The following CLIP1 variants were observed in gnomAD, a reference collection of about 807,000 sequenced individuals.
The protein encoded by CLIP1 is CAP-Gly domain containing linker protein 1, also known as CAP-Gly domain-containing linker protein 1.
Under a neutral mutation model 161.6 loss-of-function variants are expected in CLIP1, and 66 were observed. The observed-to-expected ratio is 0.41, with a 90% CI of 0.33 to 0.50. The LOEUF (loss-of-function observed/expected upper bound fraction) is 0.50. CLIP1 is among the 20% of genes least tolerant of loss of function. The pLI, the probability that CLIP1 is intolerant of heterozygous loss-of-function variation, is 0.27. For synonymous variants in CLIP1, 598 were observed against 626.2 expected (o/e 0.96, Z 0.67); for missense variants, 1,376 against 1,702.0 (o/e 0.81, Z 3.37).
intron 20 of CLIP1, among the ~76,000 whole-genome samples, chr12:122,301,623 G>A (rs1330092463): frequency 6.6e-6 from 1 of 152,162 alleles, no homozygotes; most frequent in Non-Finnish European, 1.5e-5. Flanking sequence ...GCAGTGAGCC[G>A]AGACTGCAGC....
chr12:122,358,099 A>G (rs1332972763), intron 5 of CLIP1, among the ~76,000 whole-genome samples: 1 of 152,058 alleles, frequency 6.6e-6, no homozygotes, highest in Non-Finnish European at 1.5e-5. Flanking sequence ...TACTAAGAAA[A>G]ATTCTTCTGC....
chr12:122,373,795 C>G (rs1208202262), intron 3 of CLIP1, among the ~76,000 whole-genome samples: 1 of 152,120 alleles, frequency 6.6e-6, no homozygotes, highest in African/African-American at 2.4e-5. Context: ...TGCCCCAAAT[C>G]TACAGTCTAC....
At chr12:122,307,506 C>T (rs187911553) in intron 20 of CLIP1, among the ~76,000 whole-genome samples, 2 of 152,242 alleles carry the variant, frequency 1.3e-5, no homozygotes, top group East Asian at 1.9e-4. Context: ...TCTCCACTGT[C>T]TCGATTTTAG....
At chr12:122,403,419 A>C (rs994497283) in intron 1 of CLIP1, among the ~76,000 whole-genome samples, 2 of 151,948 alleles carry the variant, frequency 1.3e-5, no homozygotes, top group Non-Finnish European at 1.5e-5. Context: ...AAATTTAATA[A>C]GTATGTCTCA....
In CLIP1 at chr12:122,273,019, C is replaced by G; in HGVS notation, c.4173G>C (p.Glu1391Asp). The G allele has an allele frequency of 6.2e-7, 1 of 1,614,160 alleles. No homozygotes were observed. Among genetic ancestry groups the G allele is most frequent in the Non-Finnish European group, 8.5e-7 (1 of 1,180,028 alleles). Residue 1391 changes from glutamate (E) to aspartate (D), a missense_variant, in exon 26 of 26, where the codon GAG becomes GAC. Physicochemically the swap from Glu to Asp is conservative, Grantham distance 45. This residue lies in a region of CLIP1 where 948 missense variants were observed against 1,134.8 expected (regional missense o/e 0.84). Coordinates refer to ENST00000620786, the MANE Select transcript of CLIP1 (RefSeq NM_001247997.2). ...ACATCTGTGCCTGGGTAGGACAATC[C>G]TCTGTGTCGTGGAGATCAAAGCAGT... ...ICDCFDLHDT[E>D]DCPTQAQMSE...
intron 20 of CLIP1, among the ~76,000 whole-genome samples, chr12:122,303,068 T>C (rs1423615182): frequency 6.6e-6 from 1 of 152,240 alleles, no homozygotes; most frequent in Non-Finnish European, 1.5e-5. Flanking sequence ...ATAAGGCTGC[T>C]TCCTGTTTAT....
At chr12:122,278,673 G>T in intron 23 of CLIP1, 119 bp downstream of exon 23, 1 of 1,066,254 alleles carries the variant, frequency 9.4e-7, no homozygotes, top group Non-Finnish European at 1.3e-6. Flanking sequence ...TGGTGGAAGA[G>T]CTAAGGAGAG....
At chr12:122,354,899 A>G in intron 6 of CLIP1, 1 of 598,658 alleles carries the variant, frequency 1.7e-6, no homozygotes. Flanking sequence ...CACAAAGACC[A>G]AACACTAAGG....
chr12:122,371,951 C>T (rs1462046664), intron 3 of CLIP1, among the ~76,000 whole-genome samples: 8 of 152,108 alleles, frequency 5.3e-5, no homozygotes, highest in African/African-American at 1.4e-4. Context: ...TAAAAGGTTA[C>T]ACTAGGTGAA....
intron 5 of CLIP1, among the ~76,000 whole-genome samples, chr12:122,357,581 G>T (rs1242350484): frequency 7.5e-6 from 1 of 132,554 alleles, no homozygotes; most frequent in Non-Finnish European, 1.6e-5. Context: ...CCCCCCGCCC[G>T]GCCAGCCGCC....
chr12:122,407,430 C>T (rs1047638599), intron 1 of CLIP1, among the ~76,000 whole-genome samples: 1 of 152,038 alleles, frequency 6.6e-6, no homozygotes, highest in African/African-American at 2.4e-5. Flanking sequence ...CTGACCTCCC[C>T]AGCCAAGGTG....
chr12:122,346,289 C>T (rs1459229054), intron 10 of CLIP1, among the ~76,000 whole-genome samples: 18 of 152,136 alleles, frequency 1.2e-4, no homozygotes, highest in Non-Finnish European at 1.5e-5. Flanking sequence ...CTAATATTCC[C>T]TACCTCCTAG....
chr12:122,420,341 A>G (rs1404011408), intron 1 of CLIP1, among the ~76,000 whole-genome samples: 1 of 151,678 alleles, frequency 6.6e-6, no homozygotes, highest in Non-Finnish European at 1.5e-5. Flanking sequence ...GTGAAATTCC[A>G]TGTCAAAAAA....
chr12:122,288,431 A>G (rs2136292700), intron 21 of CLIP1, 58 bp downstream of exon 21: 9 of 1,444,224 alleles, frequency 6.2e-6, no homozygotes, highest in Non-Finnish European at 8.6e-6. Context: ...TACCACACAT[A>G]TCATGTTCTG....
intron 17 of CLIP1, among the ~76,000 whole-genome samples, chr12:122,325,773 C>T (rs1951691987): frequency 6.6e-6 from 1 of 152,206 alleles, no homozygotes; most frequent in African/African-American, 2.4e-5. Flanking sequence ...CCTGCCTCAG[C>T]CTCCTGAGTA....
chr12:122,283,491 C>T (rs1955729311), intron 21 of CLIP1, among the ~76,000 whole-genome samples: 1 of 147,922 alleles, frequency 6.8e-6, no homozygotes, highest in Non-Finnish European at 1.5e-5. Flanking sequence ...TGGAATCTCG[C>T]TCTGTTGCCC....
intron 20 of CLIP1, among the ~76,000 whole-genome samples, chr12:122,297,717 G>GA (rs1294057078): frequency 5.3e-5 from 8 of 152,088 alleles, no homozygotes; most frequent in Non-Finnish European, 1.0e-4. Flanking sequence ...AAGGTAATGG[G>GA]AAAAAACGGA....
chr12:122,343,099 G>A (rs933960303), intron 10 of CLIP1: 3 of 149,068 alleles, frequency 2.0e-5, no homozygotes, highest in Non-Finnish European at 4.4e-5. Flanking sequence ...CCTGTAGAAT[G>A]AAAGCCTCAA....
intron 1 of CLIP1, among the ~76,000 whole-genome samples, chr12:122,407,619 G>A (rs1447749377): frequency 6.6e-6 from 1 of 151,248 alleles, no homozygotes; most frequent in Non-Finnish European, 1.5e-5. Flanking sequence ...GATCACCTGA[G>A]CCCAGGAGAT....
Sources: gnomAD v4.1 joint callset for allele counts (sites outside exome capture counted in the v4.1 genomes callset) on GRCh38, gnomAD v4.1.1 for gene constraint, gnomAD v4.1.1 regional missense constraint, MANE v1.5 for transcripts, NCBI Gene and HGNC (gene_info 2026-07-23, HGNC 2026-07-21) for gene names.